The following ALPK1 variants were observed in gnomAD, a reference collection of about 807,000 sequenced individuals.
The protein encoded by ALPK1 is alpha kinase 1, also known as alpha-protein kinase 1.
ALPK1 carries 110 observed loss-of-function variants against 120.6 expected under a neutral mutation model. The ratio of observed to expected loss-of-function variants is 0.91; its 90% CI spans 0.78 to 1.07. The LOEUF (loss-of-function observed/expected upper bound fraction) is 1.07. Among genes scored for constraint, ALPK1 ranks in the 50% least tolerant of loss-of-function variants. The probability of loss-of-function intolerance (pLI) is 0.00; values close to 1 mark genes in which losing one functional copy is unlikely to be tolerated. For synonymous variants in ALPK1, 582 were observed against 560.3 expected (o/e 1.04, Z -0.55); for missense variants, 1,498 against 1,483.9 (o/e 1.01, Z -0.16).
intron 4 of ALPK1, among the ~76,000 whole-genome samples, chr4:112,388,824 G>A (rs1241030301): frequency 1.3e-5 from 2 of 152,192 alleles, no homozygotes. Context: ...TATTGGAATG[G>A]TTCTTCCCAT....
At chr4:112,331,891 G>A (rs1204864327) in intron 2 of ALPK1, among the ~76,000 whole-genome samples, 1 of 152,188 alleles carries the variant, frequency 6.6e-6, no homozygotes, top group Non-Finnish European at 1.5e-5. Flanking sequence ...ATCTGATTCA[G>A]GTGGGCAGCT....
In ALPK1 at chr4:112,377,808, C is replaced by G; in HGVS notation, c.31C>G (p.Leu11Val). The change falls in exon 3 of 16, where the codon CTG (leucine) becomes GTG (valine). Residue 11 changes from leucine (L) to valine (V), a missense_variant. Leu to Val is a conservative substitution (Grantham distance 32, BLOSUM62 1). Transcript: ENST00000650871. MNNQKVVAVLLQECKQVLDQL... is the reference protein window; with the variant it reads MNNQKVVAVLVQECKQVLDQL... ...TAATCAAAAAGTGGTAGCTGTGCTA[C>G]TGCAAGAGTGCAAGCAAGTGCTGGA... is the stretch of plus-strand genomic sequence containing the variant. 1 of 1,613,292 alleles carries G rather than the reference C, an allele frequency of 6.2e-7. No individual in the cohort carries two copies. Among genetic ancestry groups the G allele is most frequent in the Non-Finnish European group, 8.5e-7 (1 of 1,179,548 alleles).
chr4:112,339,302 T>A (rs1729758429), intron 2 of ALPK1, among the ~76,000 whole-genome samples: 1 of 152,180 alleles, frequency 6.6e-6, no homozygotes, highest in Non-Finnish European at 1.5e-5. Flanking sequence ...AAGAAATATA[T>A]TTCTTTGGCA....
chr4:112,341,255 C>A (rs189971049), intron 2 of ALPK1, among the ~76,000 whole-genome samples: 74 of 152,314 alleles, frequency 4.9e-4, no homozygotes, highest in African/African-American at 1.8e-3. Flanking sequence ...TTTCACACAG[C>A]AAGCTGACTG....
chr4:112,330,791 G>A (rs1034382211), intron 2 of ALPK1, among the ~76,000 whole-genome samples: 8 of 152,158 alleles, frequency 5.3e-5, no homozygotes, highest in African/African-American at 1.2e-4. Context: ...ATGACCGATC[G>A]ATGAATCCTG....
intron 4 of ALPK1, 91 bp downstream of exon 4, chr4:112,382,643 A>G: frequency 6.4e-7 from 1 of 1,567,772 alleles, no homozygotes; most frequent in Non-Finnish European, 8.8e-7. Context: ...TCTTTGAAGC[A>G]CAAGACAGCC....
At chr4:112,404,816 G>A (rs771676019) in intron 4 of ALPK1, among the ~76,000 whole-genome samples, 3 of 152,146 alleles carry the variant, frequency 2.0e-5, no homozygotes, top group Non-Finnish European at 4.4e-5. Context: ...GTCAAGTTAG[G>A]AAATAATTTG....
intron 5 of ALPK1, among the ~76,000 whole-genome samples, chr4:112,413,998 A>AC (rs1733612476): frequency 6.6e-6 from 1 of 151,774 alleles, no homozygotes; most frequent in Non-Finnish European, 1.5e-5. Context: ...GTAAACGTCT[A>AC]CCCCAAAACA....
intron 4 of ALPK1, among the ~76,000 whole-genome samples, chr4:112,391,915 G>A (rs1408864282): frequency 1.3e-5 from 2 of 152,016 alleles, no homozygotes; most frequent in Non-Finnish European, 1.5e-5. Context: ...TAGATTCTTA[G>A]TATGTAAGCC....
Position 112,436,815 on chromosome 4 carries a change from C to T in ALPK1, c.3188+1514C>T, listed in dbSNP as rs78465150. Among the ~76,000 whole-genome samples, 554 of 152,100 alleles carry T rather than the reference C, an allele frequency of 3.6e-3. 7 individuals are homozygous for T. Among genetic ancestry groups the T allele is most frequent in the African/African-American group, 0.013 (530 of 41,476 alleles). On this transcript the variant is annotated intron_variant, in intron 12 of 15. Coordinates refer to ENST00000650871, the MANE Select transcript of ALPK1 (RefSeq NM_025144.4). ...ATGTTGTGACAGCAGCCCTGATACA[C>T]CAGAGTATACCATAGGAGGACCTGA...
intron 4 of ALPK1, among the ~76,000 whole-genome samples, chr4:112,391,121 C>A (rs1427179834): frequency 2.0e-5 from 3 of 152,184 alleles, no homozygotes; most frequent in African/African-American, 4.8e-5. Flanking sequence ...AAGGAATATA[C>A]CTTCCCATGG....
chr4:112,307,857 A>C (rs954355076), intron 1 of ALPK1, among the ~76,000 whole-genome samples: 29 of 152,018 alleles, frequency 1.9e-4, no homozygotes, highest in Non-Finnish European at 4.3e-4. Flanking sequence ...GGTCTTTACA[A>C]TTTGGCATGT....
chr4:112,386,108 A>T (rs1338125633), intron 4 of ALPK1, among the ~76,000 whole-genome samples: 1 of 152,216 alleles, frequency 6.6e-6, no homozygotes, highest in African/African-American at 2.4e-5. Flanking sequence ...TTATAATGTT[A>T]TTCTCTTGGG....
At chr4:112,419,369 G>A (rs564979882) in intron 5 of ALPK1, among the ~76,000 whole-genome samples, 2 of 152,266 alleles carry the variant, frequency 1.3e-5, no homozygotes, top group South Asian at 4.1e-4. Context: ...TTATAAAGAT[G>A]ATCAAGATAT....
chr4:112,356,061 G>T (rs1578493993), intron 2 of ALPK1: 3 of 832,194 alleles, frequency 3.6e-6, no homozygotes, highest in East Asian at 2.4e-5. Flanking sequence ...GAGATGTTTG[G>T]AGTGTTTTTT....
At position 112,440,926 on chromosome 4, in the gene ALPK1, C is replaced by T. The variant is rs140603710; in HGVS notation, c.3548C>T (p.Thr1183Ile). The change falls in exon 15 of 16, where the codon ACC (threonine) becomes ATC (isoleucine). Residue 1183 changes from threonine to isoleucine, a missense_variant. Thr to Ile is a moderately conservative substitution (Grantham distance 89). Transcript: ENST00000650871. ...TTCATTTCTCTTTTAGGTTGGGTAA[C>T]CGGTAATGGAAAAGGACTCATCTAC... is the stretch of plus-strand genomic sequence containing the variant. ...DVVVDLQGWV[T>I]GNGKGLIYLT... The T allele has an allele frequency of 2.5e-6, 4 of 1,610,054 alleles. No individual in the cohort carries two copies. The highest frequency in any genetic ancestry group is 1.3e-5 in the African/African-American group (1 of 74,468).
intron 9 of ALPK1, 65 bp from the exon 10 acceptor site, chr4:112,429,084 A>G (rs1478576545): frequency 1.4e-6 from 2 of 1,382,708 alleles, no homozygotes; most frequent in East Asian, 2.3e-5. Context: ...ACCATTTCAT[A>G]GCCTGTTTTT....
chr4:112,335,622 G>A (rs1250639151), intron 2 of ALPK1, among the ~76,000 whole-genome samples: 1 of 152,062 alleles, frequency 6.6e-6, no homozygotes, highest in African/African-American at 2.4e-5. Flanking sequence ...CTGCATAATG[G>A]ATATAATATA....
chr4:112,439,727 G>A lies in ALPK1; in HGVS notation c.3393G>A (p.Glu1131=). ...DKTIKGCISV[E]PYILGEFVKL... Reference sequence around the variant, plus strand: ...CAATAAAGGGATGTATCAGTGTGGAGCCTTACATACTGGGAGAATTTGTAA... The same window carrying A: ...CAATAAAGGGATGTATCAGTGTGGAACCTTACATACTGGGAGAATTTGTAA... The change falls in exon 14 of 16, where the codon GAG becomes GAA. Residue 1131 remains glutamate, a synonymous_variant. Coordinates refer to ENST00000650871, the MANE Select transcript of ALPK1 (RefSeq NM_025144.4). 6.2e-7 allele frequency: 1 copy of A among 1,612,990 alleles called. No individual in the cohort carries two copies. Among genetic ancestry groups the A allele is most frequent in the Non-Finnish European group, 8.5e-7 (1 of 1,179,646 alleles).
Sources: gnomAD v4.1 joint callset for allele counts (sites outside exome capture counted in the v4.1 genomes callset) on GRCh38, gnomAD v4.1.1 for gene constraint, MANE v1.5 for transcripts, NCBI Gene and HGNC (gene_info 2026-07-23, HGNC 2026-07-21) for gene names.